The following PARP8 variants were observed in gnomAD, a reference collection of about 807,000 sequenced individuals.
PARP8 encodes the protein protein mono-ADP-ribosyltransferase PARP8.
Under a neutral mutation model 124.1 loss-of-function variants are expected in PARP8, and 51 were observed. That is an observed-to-expected ratio of 0.41 (90% CI 0.33 to 0.52). The LOEUF is 0.52. Ranked by LOEUF, PARP8 falls within the 20% of genes least tolerant of loss-of-function variation. PARP8 has a pLI of 0.21. For synonymous variants in PARP8, 391 were observed against 361.5 expected, an observed-to-expected ratio of 1.08 and a Z score of -0.93; for missense variants, 860 against 1,018.9, an observed-to-expected ratio of 0.84 and a Z score of 2.12.
At chr5:50,823,652 G>A (rs1208733857) in intron 17 of PARP8, among the ~76,000 whole-genome samples, 1 of 152,094 alleles carries the variant, frequency 6.6e-6, no homozygotes, top group Non-Finnish European at 1.5e-5. Flanking sequence ...AAAAGACTTT[G>A]GTATAAGGTA....
chr5:50,746,568 G>A (rs1758565926), intron 2 of PARP8, among the ~76,000 whole-genome samples: 1 of 152,046 alleles, frequency 6.6e-6, no homozygotes, highest in South Asian at 2.1e-4. Context: ...AAATACTACT[G>A]TGCTTTAAAA....
intron 2 of PARP8, among the ~76,000 whole-genome samples, chr5:50,678,667 A>G (rs1288249075): frequency 6.6e-6 from 1 of 152,212 alleles, no homozygotes; most frequent in Non-Finnish European, 1.5e-5. Flanking sequence ...AAGACCTGAG[A>G]CATGCAAAAC....
At chr5:50,811,406 A>G (rs1438007894) in intron 14 of PARP8, among the ~76,000 whole-genome samples, 20 of 152,030 alleles carry the variant, frequency 1.3e-4, no homozygotes, top group Admixed American at 1.3e-3. Context: ...ATTGCCAAAA[A>G]TCATTTGCGA....
intron 2 of PARP8, among the ~76,000 whole-genome samples, chr5:50,718,178 T>C (rs1471517849): frequency 6.6e-6 from 1 of 152,008 alleles, no homozygotes; most frequent in Non-Finnish European, 1.5e-5. Context: ...GTTGAAGAGG[T>C]GAGAATATAA....
intron 2 of PARP8, among the ~76,000 whole-genome samples, chr5:50,688,588 G>T (rs1461417697): frequency 6.6e-6 from 1 of 152,122 alleles, no homozygotes; most frequent in African/African-American, 2.4e-5. Flanking sequence ...ATTGATGTAG[G>T]TTTCAAACTC....
chr5:50,767,684 A>G (rs924767741), intron 7 of PARP8, among the ~76,000 whole-genome samples: 1 of 152,222 alleles, frequency 6.6e-6, no homozygotes, highest in African/African-American at 2.4e-5. Context: ...AGAGAAATTT[A>G]TAGCTACCTT....
intron 2 of PARP8, among the ~76,000 whole-genome samples, chr5:50,674,887 G>A (rs1750437792): frequency 6.6e-6 from 1 of 152,238 alleles, no homozygotes; most frequent in South Asian, 2.1e-4. Context: ...GGAGGATAGA[G>A]TGAGAATATG....
intron 23 of PARP8, chr5:50,833,314 G>C (rs2149720629): frequency 5.7e-6 from 2 of 353,290 alleles, no homozygotes; most frequent in South Asian, 4.5e-5. Context: ...GGTGACATTT[G>C]AGTCAAGACC....
At chr5:50,735,964 C>A (rs984836090) in intron 2 of PARP8, among the ~76,000 whole-genome samples, 16 of 150,234 alleles carry the variant, frequency 1.1e-4, no homozygotes, top group Admixed American at 1.3e-4. Flanking sequence ...ATTCCCCCCC[C>A]CCCTTTTATT....
intron 3 of PARP8, among the ~76,000 whole-genome samples, chr5:50,758,857 A>AC (rs1760241394): frequency 6.6e-6 from 1 of 151,344 alleles, no homozygotes; most frequent in Non-Finnish European, 1.5e-5. Context: ...GTTATTTTTT[A>AC]AAGAGGAAAC....
At chr5:50,676,651 T>C (rs1750674720) in intron 2 of PARP8, among the ~76,000 whole-genome samples, 1 of 152,226 alleles carries the variant, frequency 6.6e-6, no homozygotes, top group African/African-American at 2.4e-5. Flanking sequence ...TGTTGGAGTG[T>C]ACTTTCAGAG....
At chr5:50,718,040 G>T (rs1323914591) in intron 2 of PARP8, among the ~76,000 whole-genome samples, 2 of 151,950 alleles carry the variant, frequency 1.3e-5, no homozygotes, top group African/African-American at 4.8e-5. Flanking sequence ...TTGGTAGCTT[G>T]GAAAAATTAT....
intron 2 of PARP8, among the ~76,000 whole-genome samples, chr5:50,746,873 A>T (rs1335593831): frequency 6.6e-6 from 1 of 152,050 alleles, no homozygotes; most frequent in African/African-American, 2.4e-5. Flanking sequence ...ATCAAAAATA[A>T]AATAAATTAG....
At chr5:50,675,609 G>A (rs1487222890) in intron 2 of PARP8, among the ~76,000 whole-genome samples, 1 of 152,140 alleles carries the variant, frequency 6.6e-6, no homozygotes, top group African/African-American at 2.4e-5. Flanking sequence ...CATGGCGCCC[G>A]GCCTGTTTTA....
chr5:50,702,218 C>A (rs1387966652), intron 2 of PARP8, among the ~76,000 whole-genome samples: 1 of 151,870 alleles, frequency 6.6e-6, no homozygotes, highest in Non-Finnish European at 1.5e-5. Flanking sequence ...TAAGAAAGGA[C>A]AATAAATTAA....
intron 25 of PARP8, among the ~76,000 whole-genome samples, chr5:50,836,096 A>T (rs1747551614): frequency 6.6e-6 from 1 of 152,176 alleles, no homozygotes; most frequent in Non-Finnish European, 1.5e-5. Context: ...CAGACTATTC[A>T]CAGTGAGACT....
At chr5:50,697,604 G>A (rs1211953218) in intron 2 of PARP8, among the ~76,000 whole-genome samples, 1 of 152,140 alleles carries the variant, frequency 6.6e-6, no homozygotes, top group Admixed American at 6.5e-5. Context: ...TGAACTCCTG[G>A]GCTTAAGCAA....
At chr5:50,789,281 A>G (rs1006303952) in intron 10 of PARP8, among the ~76,000 whole-genome samples, 6 of 152,314 alleles carry the variant, frequency 3.9e-5, no homozygotes, top group Non-Finnish European at 8.8e-5. Context: ...TAGAGCCAGG[A>G]TACAATGGCA....
At chr5:50,745,210 T>C (rs192804972) in intron 2 of PARP8, among the ~76,000 whole-genome samples, 32 of 152,348 alleles carry the variant, frequency 2.1e-4, no homozygotes, top group Non-Finnish European at 1.3e-4. Flanking sequence ...TCTCCTAATA[T>C]CATGAGGACA....
Sources: allele counts gnomAD v4.1 joint callset (sites outside exome capture counted in the v4.1 genomes callset), GRCh38; gene constraint gnomAD v4.1.1; transcripts MANE v1.5; gene names NCBI Gene and HGNC (gene_info 2026-07-23, HGNC 2026-07-21).